Variants in SEMA5A observed in about 807,000 individuals in gnomAD.
SEMA5A encodes semaphorin-5A.
Under a neutral mutation model 135.5 loss-of-function variants are expected in SEMA5A, and 55 were observed. That is an observed-to-expected ratio of 0.41 (90% CI 0.33 to 0.51). The LOEUF is 0.51. Among genes scored for constraint, SEMA5A ranks in the 20% least tolerant of loss-of-function variants. The pLI, the probability that SEMA5A is intolerant of heterozygous loss-of-function variation, is 0.37. For missense variants in SEMA5A, 1,290 were observed against 1,419.9 expected (o/e 0.91, Z 1.47); for synonymous variants, 580 against 546.5 (o/e 1.06, Z -0.85).
intron 21 of SEMA5A, among the ~76,000 whole-genome samples, chr5:9,049,803 G>T (rs1736467301): frequency 6.6e-6 from 1 of 152,184 alleles, no homozygotes; most frequent in Non-Finnish European, 1.5e-5. Flanking sequence ...GGCACAGACT[G>T]TAAAGTCCAA....
chr5:9,394,979 G>A (rs1756325641), intron 2 of SEMA5A, among the ~76,000 whole-genome samples: 1 of 152,122 alleles, frequency 6.6e-6, no homozygotes, highest in Non-Finnish European at 1.5e-5. Flanking sequence ...TTTTTTTAAT[G>A]TTTGTAAGTG....
In SEMA5A at chr5:9,185,373, T is replaced by C. The variant is rs576711624; in HGVS notation, c.1273+4894A>G. ...AAGCATATAAACCTCTATATGAATG[T>C]TTCCTGCTTTATATTCATCTATTAG... On this transcript the variant is annotated intron_variant, in intron 11 of 22. Transcript: ENST00000382496. Among the ~76,000 whole-genome samples the C allele has an allele frequency of 1.2e-4, 18 of 152,314 alleles. No homozygotes were observed. In the South Asian group the frequency reaches 1.9e-3, roughly 16 times the overall value.
chr5:9,210,495 A>G (rs576121106), intron 8 of SEMA5A, among the ~76,000 whole-genome samples: 49 of 152,216 alleles, frequency 3.2e-4, no homozygotes, highest in Non-Finnish European at 5.0e-4. Context: ...AATGCTCTCA[A>G]CCTTTTCCAG....
intron 5 of SEMA5A, among the ~76,000 whole-genome samples, chr5:9,244,954 T>G (rs1281521998): frequency 6.6e-6 from 1 of 152,152 alleles, no homozygotes; most frequent in African/African-American, 2.4e-5. Context: ...AACAAAGATT[T>G]TACTACTTTT....
At chr5:9,218,604 A>C (rs1019793689) in intron 8 of SEMA5A, among the ~76,000 whole-genome samples, 2 of 152,210 alleles carry the variant, frequency 1.3e-5, no homozygotes, top group Non-Finnish European at 2.9e-5. Context: ...TCTCCTGCTG[A>C]GACAATTTTC....
rs116754634 is a variant in SEMA5A at position 9,302,777 on chromosome 5, A to C, written c.270+15595T>G. 7.1e-3 allele frequency among the ~76,000 whole-genome samples: 1,083 copies of C among 152,334 alleles called. 10 individuals are homozygous for C. Among genetic ancestry groups the C allele is most frequent in the African/African-American group, 0.022 (932 of 41,584 alleles). On this transcript the variant is annotated intron_variant, in intron 5 of 22. Coordinates refer to ENST00000382496, the MANE Select transcript of SEMA5A (RefSeq NM_003966.3). ...GTGAGAAAGAAGATACATATCCATT[A>C]GTTCAATGTGTTTTCCCTGACTCAT...
At chr5:9,277,536 T>A (rs188193745) in intron 5 of SEMA5A, among the ~76,000 whole-genome samples, 21 of 152,264 alleles carry the variant, frequency 1.4e-4, no homozygotes, top group Admixed American at 6.5e-4. Flanking sequence ...TGTGGCACTG[T>A]TCACAATAGC....
At chr5:9,491,412 C>G (rs767533062) in intron 1 of SEMA5A, among the ~76,000 whole-genome samples, 1 of 152,064 alleles carries the variant, frequency 6.6e-6, no homozygotes, top group East Asian at 1.9e-4. Context: ...TAATGATGTG[C>G]CAATGTAGGT....
intron 1 of SEMA5A, among the ~76,000 whole-genome samples, chr5:9,455,775 C>T (rs984173896): frequency 7.9e-5 from 12 of 152,198 alleles, no homozygotes; most frequent in Admixed American, 2.6e-4. Context: ...AAAACAAGGA[C>T]GTGTGTATAA....
intron 5 of SEMA5A, among the ~76,000 whole-genome samples, chr5:9,276,358 C>T (rs1272854280): frequency 6.6e-6 from 1 of 152,116 alleles, no homozygotes; most frequent in Non-Finnish European, 1.5e-5. Flanking sequence ...TAGGAAGAAT[C>T]AATATTGTGA....
chr5:9,353,098 G>GAAAGGAAAGGAAAGGAAAGGAAAGGA lies in SEMA5A; in HGVS notation c.125-15287_125-15286insTCCTTTCCTTTCCTTTCCTTTCCTTT, dbSNP rs1378151075. On this transcript the variant is annotated intron_variant, in intron 3 of 22. Transcript: ENST00000382496. ...GGAAAGGAAAGGAAAGGAAAGGAAG[G>GAAAGGAAAGGAAAGGAAAGGAAAGGA]AAGGAAAGGAAAGGAAAGGAAAGGA... Among the ~76,000 whole-genome samples, 14 of 21,786 alleles carry GAAAGGAAAGGAAAGGAAAGGAAAGGA rather than the reference G, an allele frequency of 6.4e-4. 2 individuals carry two copies. The highest frequency in any genetic ancestry group is 1.6e-3 in the Admixed American group (2 of 1,256). 14.3% of individuals were successfully genotyped at this position (21,786 alleles called of 152,430 possible). A position where few individuals can be genotyped will look rare whatever the true frequency, so the allele number is the denominator to read the frequency against.
intron 13 of SEMA5A, among the ~76,000 whole-genome samples, chr5:9,131,211 T>A (rs1741391447): frequency 6.6e-6 from 1 of 152,196 alleles, no homozygotes; most frequent in African/African-American, 2.4e-5. Flanking sequence ...AGTGCTGGCA[T>A]CTGCCTCTGG....
chr5:9,240,450 G>A (rs1266884696), intron 5 of SEMA5A, among the ~76,000 whole-genome samples: 2 of 151,868 alleles, frequency 1.3e-5, no homozygotes, highest in Non-Finnish European at 2.9e-5. Flanking sequence ...GAGAAAAGTG[G>A]CTTTTCCAGA....
chr5:9,049,430 G>T (rs1407777995), intron 21 of SEMA5A, among the ~76,000 whole-genome samples: 28 of 152,186 alleles, frequency 1.8e-4, no homozygotes, highest in Non-Finnish European at 1.5e-5. Flanking sequence ...CTCCCAAAGT[G>T]CTGGGATTAC....
intron 10 of SEMA5A, among the ~76,000 whole-genome samples, chr5:9,193,125 A>G (rs899963297): frequency 6.6e-6 from 1 of 152,184 alleles, no homozygotes; most frequent in Admixed American, 6.5e-5. Context: ...GCTGGCTATA[A>G]TATTCCACCC....
At chr5:9,068,791 T>C (rs1737615739) in intron 16 of SEMA5A, among the ~76,000 whole-genome samples, 1 of 152,138 alleles carries the variant, frequency 6.6e-6, no homozygotes, top group African/African-American at 2.4e-5. Flanking sequence ...GTCCCCAAGA[T>C]CCCTCCAGTT....
At position 9,196,437 on chromosome 5, in the gene SEMA5A, C is replaced by T. The variant is rs115557718; in HGVS notation, c.1068+731G>A. On this transcript the variant is annotated intron_variant, in intron 10 of 22. Transcript: ENST00000382496. ...CCTCACCTGAAAATGGCCCTGCTCA[C>T]GCTTTTGTCTTGAAGGTCTAGCTTC... Among the ~76,000 whole-genome samples, 361 of 152,318 alleles carry T rather than the reference C, an allele frequency of 2.4e-3. 2 individuals carry two copies. Among genetic ancestry groups the T allele is most frequent in the Middle Eastern group, 6.8e-3 (2 of 294 alleles).
chr5:9,190,197 T>C, intron 11 of SEMA5A, 70 bp downstream of exon 11: 2 of 1,506,466 alleles, frequency 1.3e-6, no homozygotes, highest in Non-Finnish European at 1.8e-6. Flanking sequence ...ATTGAATGTT[T>C]AGAATCTAAA....
intron 4 of SEMA5A, among the ~76,000 whole-genome samples, chr5:9,335,064 T>C (rs1323504158): frequency 2.6e-5 from 4 of 151,704 alleles, no homozygotes; most frequent in East Asian, 1.9e-4. Flanking sequence ...ACAAGACACA[T>C]TGGGATGGAG....
Sources: gnomAD v4.1 joint callset for allele counts (sites outside exome capture counted in the v4.1 genomes callset) on GRCh38, gnomAD v4.1.1 for gene constraint, MANE v1.5 for transcripts, NCBI Gene and HGNC (gene_info 2026-07-23, HGNC 2026-07-21) for gene names.